The following SCN3A variants were observed in gnomAD, a reference collection of about 807,000 sequenced individuals.
SCN3A encodes the protein sodium channel protein type 3 subunit alpha.
A neutral mutation model predicts 187.6 loss-of-function variants in SCN3A; 60 were observed. The ratio of observed to expected loss-of-function variants is 0.32; its 90% CI spans 0.26 to 0.40. The LOEUF (loss-of-function observed/expected upper bound fraction) is 0.40. Ranked by LOEUF, SCN3A falls within the 10% of genes least tolerant of loss-of-function variation. The pLI, the probability that SCN3A is intolerant of heterozygous loss-of-function variation, is 1.00. For missense variants in SCN3A, 1,601 were observed against 2,428.2 expected (o/e 0.66, Z 7.16); for synonymous variants, 788 against 829.2 (o/e 0.95, Z 0.85).
At position 165,139,607 on chromosome 2, in the gene SCN3A, C is replaced by G; in HGVS notation, c.2021G>C (p.Gly674Ala). The part of the protein sequence containing the change: ...TSPTGQLPPE[G>A]TTTETEVRKR... Reference sequence around the variant, plus strand: ...TCTGACTTCCGTTTCTGTGGTGGTGCCCTGCAAACCAAATACTGATGGCTC... The same window carrying G: ...TCTGACTTCCGTTTCTGTGGTGGTGGCCTGCAAACCAAATACTGATGGCTC... The change falls in exon 14 of 28, where the codon GGC (glycine) becomes GCC (alanine). Residue 674 changes from glycine (G) to alanine (A), a missense_variant and splice_region_variant. Around this residue, in one of 11 missense-constraint regions of SCN3A, gnomAD observed 376 missense variants for 476.0 expected, o/e 0.79. Coordinates refer to ENST00000283254, the MANE Select transcript of SCN3A (RefSeq NM_006922.4). 6.2e-7 allele frequency: 1 copy of G among 1,613,668 alleles called. No individual in the cohort carries two copies. The highest frequency in any genetic ancestry group is 8.5e-7 in the Non-Finnish European group (1 of 1,179,762).
rs1157946724 is a variant in SCN3A at position 165,089,021 on chromosome 2, A to G, written c.*1129T>C. 1 of 152,602 alleles carries G rather than the reference A, an allele frequency of 6.6e-6. No homozygotes were observed. Among genetic ancestry groups the G allele is most frequent in the Non-Finnish European group, 1.5e-5 (1 of 68,000 alleles). 9.5% of individuals were successfully genotyped at this position (152,602 alleles called of 1,614,324 possible). On this transcript the variant is annotated 3_prime_UTR_variant, in exon 28 of 28. Transcript: ENST00000283254. Reference sequence around the variant, plus strand: ...GACATTCTTTAACCAAGACTTGTGAAGAATGGATTGAGTAAAATAGAGCAG... The same window carrying G: ...GACATTCTTTAACCAAGACTTGTGAGGAATGGATTGAGTAAAATAGAGCAG...
chr2:165,184,483 G>GAAAAAAAA, intron 2 of SCN3A, among the ~76,000 whole-genome samples: 1 of 59,568 alleles, frequency 1.7e-5, no homozygotes, highest in Non-Finnish European at 4.0e-5. Flanking sequence ...GTCTAGTTCA[G>GAAAAAAAA]AAAAAAAAAA....
chr2:165,176,358 T>C lies in SCN3A; in HGVS notation c.37A>G (p.Ser13Gly), dbSNP rs1419143735. The C allele has an allele frequency of 6.2e-7, 1 of 1,614,012 alleles. No homozygotes were observed. Among genetic ancestry groups the C allele is most frequent in the African/African-American group, 1.3e-5 (1 of 74,928 alleles). Residue 13 changes from serine (S) to glycine (G), a missense_variant, in exon 3 of 28, where the codon AGC (serine) becomes GGC (glycine). Around this residue, in one of 11 missense-constraint regions of SCN3A, gnomAD observed 74 missense variants for 77.7 expected, o/e 0.95. Coordinates refer to ENST00000283254, the MANE Select transcript of SCN3A (RefSeq NM_006922.4). ...QALLVPPGPE[S>G]FRLFTRESLA... Reference sequence around the variant, plus strand: ...GATTCTCTAGTAAAAAGGCGGAAGCTTTCAGGTCCTGGGGGTACCAACAGT... The same window carrying C: ...GATTCTCTAGTAAAAAGGCGGAAGCCTTCAGGTCCTGGGGGTACCAACAGT...
intron 5 of SCN3A, among the ~76,000 whole-genome samples, chr2:165,167,165 A>T (rs930407583): frequency 2.0e-5 from 3 of 152,304 alleles, no homozygotes; most frequent in African/African-American, 7.2e-5. Context: ...AATGTTATAC[A>T]AATAAATGAA....
chr2:165,187,635 T>G lies in SCN3A; in HGVS notation c.-247-888A>C, dbSNP rs1223395669. 2.6e-5 allele frequency among the ~76,000 whole-genome samples: 4 copies of G among 152,322 alleles called. No homozygotes were observed. The East Asian group carries it at 7.7e-4, about 29-fold the overall frequency. On this transcript the variant is annotated intron_variant, in intron 1 of 27. Coordinates refer to ENST00000283254, the MANE Select transcript of SCN3A (RefSeq NM_006922.4). ...ACTCTCTCCTAAGCCATCATTTTTT[T>G]TCTCTATTCTGTTACCGGAGTGATG... is the stretch of plus-strand genomic sequence containing the variant.
chr2:165,196,128 T>G (rs1691933361), intron 1 of SCN3A, among the ~76,000 whole-genome samples: 1 of 152,094 alleles, frequency 6.6e-6, no homozygotes, highest in Non-Finnish European at 1.5e-5. Flanking sequence ...TATCAATATC[T>G]CATTGGTTTC....
rs751064186 is a variant in SCN3A, at chr2:165,097,384, C to T, written c.4107G>A (p.Thr1369=). 1.2e-6 allele frequency: 2 copies of T among 1,613,960 alleles called. No individual in the cohort carries two copies. The highest frequency in any genetic ancestry group is 1.7e-6 in the Non-Finnish European group (2 of 1,179,972). The change falls in exon 23 of 28, where the codon ACG becomes ACA. Residue 1369 remains threonine (T), a synonymous_variant. Coordinates refer to ENST00000283254, the MANE Select transcript of SCN3A (RefSeq NM_006922.4). ...CATCACTAATGTCAAACATGTTACC[C>T]GTTGTCATGTTAACACAGTGGTAGA... ...GKFYHCVNMT[T]GNMFDISDVN...
rs991878540 is a variant in SCN3A, at chr2:165,092,246, G to C, written c.4807+8C>G. 9.9e-6 allele frequency: 16 copies of C among 1,613,344 alleles called. No homozygotes were observed. The highest frequency in any genetic ancestry group is 1.4e-5 in the Non-Finnish European group (16 of 1,179,466). ...AACTATACCTCTTGGTAATTAAGCT[G>C]TTCTTACCTACAATGGAGAGAATCA... On this transcript the variant is annotated splice_region_variant and intron_variant, in intron 27 of 27. Coordinates refer to ENST00000283254, the MANE Select transcript of SCN3A (RefSeq NM_006922.4). The surrounding 1 kb of genome is among the most constrained non-coding windows in gnomAD (Gnocchi z 4.2).
intron 3 of SCN3A, among the ~76,000 whole-genome samples, chr2:165,174,104 C>A (rs1193910575): frequency 6.6e-6 from 1 of 152,168 alleles, no homozygotes; most frequent in Non-Finnish European, 1.5e-5. Context: ...AGTGCAGTAG[C>A]ACAATCATAG....
At chr2:165,162,203 T>A (rs188848318) in intron 9 of SCN3A, 105 bp downstream of exon 9, 4 of 1,042,296 alleles carry the variant, frequency 3.8e-6, no homozygotes, top group Non-Finnish European at 5.8e-6. Flanking sequence ...TGCTCTTTAT[T>A]GCATACATGG....
At chr2:165,169,973 A>G (rs1161300105) in intron 4 of SCN3A, among the ~76,000 whole-genome samples, 1 of 151,920 alleles carries the variant, frequency 6.6e-6, no homozygotes, top group African/African-American at 2.4e-5. Context: ...GGAAGAATGA[A>G]GGAAGGGAAG....
At chr2:165,184,319 A>G (rs866517618) in intron 2 of SCN3A, among the ~76,000 whole-genome samples, 2 of 152,074 alleles carry the variant, frequency 1.3e-5, no homozygotes, top group Non-Finnish European at 2.9e-5. Context: ...AATGATTACT[A>G]TATCTCAGAC....
chr2:165,092,335 T>G lies in SCN3A; in HGVS notation c.4726A>C (p.Lys1576Gln). 1.9e-6 allele frequency: 3 copies of G among 1,613,934 alleles called. No homozygotes were observed. Among genetic ancestry groups the G allele is most frequent in the Non-Finnish European group, 2.5e-6 (3 of 1,179,922 alleles). ...TAGTAGTGTCTGAGGGAGACGAGCT[T>G]CAGCACAAATTCTCCAGTGAACAGA... ...IVLFTGEFVL[K>Q]LVSLRHYYFT... is the part of the protein sequence containing the mutation. The change falls in exon 27 of 28, where the codon AAG becomes CAG. Residue 1576 changes from lysine (K) to glutamine (Q), a missense_variant. Lys to Gln is a moderately conservative substitution (Grantham distance 53, BLOSUM62 1). Transcript: ENST00000283254. The surrounding 1 kb of genome is among the most constrained non-coding windows in gnomAD (Gnocchi z 4.2).
Position 165,163,610 on chromosome 2 carries a change from G to C in SCN3A, c.694+8C>G. The C allele has an allele frequency of 2.5e-6, 4 of 1,613,796 alleles. No homozygotes were observed. The highest frequency in any genetic ancestry group is 3.4e-6 in the Non-Finnish European group (4 of 1,179,882). ...AAAGTCAACCTCGGTGTTTAACCTA[G>C]CTCTCACCTGGAATGACTGAAATTG... On this transcript the variant is annotated splice_region_variant and intron_variant, in intron 7 of 27. Transcript: ENST00000283254.
Position 165,139,528 on chromosome 2 carries a change from A to G in SCN3A, c.2100T>C (p.Ser700=), listed in dbSNP as rs150895069. 3.7e-6 allele frequency: 6 copies of G among 1,613,816 alleles called. No individual in the cohort carries two copies. In the African/African-American group the frequency reaches 5.3e-5, roughly 14 times the overall value. ...CTATGCTCACGGCTCTTTGCCTTCCAGAGGAATCCTCCAGCATCTCCATTG... is the reference window on the plus strand; with the variant it reads ...CTATGCTCACGGCTCTTTGCCTTCCGGAGGAATCCTCCAGCATCTCCATTG... ...QISMEMLEDS[S]GRQRAVSIAS... is the part of the protein sequence containing the mutation. The change falls in exon 14 of 28, where the codon TCT becomes TCC. Residue 700 remains serine (S), a synonymous_variant. Coordinates refer to ENST00000283254, the MANE Select transcript of SCN3A (RefSeq NM_006922.4).
intron 21 of SCN3A, among the ~76,000 whole-genome samples, chr2:165,103,269 T>G (rs541169490): frequency 5.9e-5 from 9 of 152,286 alleles, no homozygotes; most frequent in African/African-American, 2.2e-4. Flanking sequence ...AGTGACCTCT[T>G]TCACTCATTA....
intron 17 of SCN3A, among the ~76,000 whole-genome samples, chr2:165,128,338 T>C (rs1348714423): frequency 6.6e-6 from 1 of 151,974 alleles, no homozygotes; most frequent in Non-Finnish European, 1.5e-5. Flanking sequence ...GGAGGGACAA[T>C]AGGAAAGCAG....
chr2:165,134,646 A>G (rs934728844), intron 15 of SCN3A, among the ~76,000 whole-genome samples: 30 of 152,084 alleles, frequency 2.0e-4, no homozygotes, highest in African/African-American at 6.5e-4. Flanking sequence ...TGAAAAATAT[A>G]TTTTTCATTT....
rs184544899 is a variant in SCN3A, at chr2:165,090,272, T to A, written c.5881A>T (p.Ser1961Cys). The change falls in exon 28 of 28, where the codon AGT becomes TGT. Residue 1961 changes from serine (S) to cysteine (C), a missense_variant. This residue lies in a region of SCN3A where 87 missense variants were observed against 89.2 expected (regional missense o/e 0.98). Transcript: ENST00000283254. The surrounding 1 kb of genome is among the most constrained non-coding windows in gnomAD (Gnocchi z 4.0). Reference protein sequence around the residue: ...GNSTPEKTDGSSSTTSPPSYD... With the variant: ...GNSTPEKTDGCSSTTSPPSYD... ...GAAGGAGGAGAGGTGGTAGAGGAAC[T>A]CCCATCTGTTTTTTCTGGAGTGGAG... 132 of 1,612,568 alleles carry A rather than the reference T, an allele frequency of 8.2e-5. No individual in the cohort carries two copies. Among genetic ancestry groups the A allele is most frequent in the Non-Finnish European group, 1.1e-4 (126 of 1,179,148 alleles).
Sources: gnomAD v4.1 joint callset for allele counts (sites outside exome capture counted in the v4.1 genomes callset) on GRCh38, gnomAD v4.1.1 for gene constraint, gnomAD v4.1.1 regional missense constraint, Gnocchi (gnomAD v3.1) non-coding constraint, MANE v1.5 for transcripts, NCBI Gene and HGNC (gene_info 2026-07-23, HGNC 2026-07-21) for gene names.